The following AIMP2 variants were observed in gnomAD, a reference collection of about 807,000 sequenced individuals.
The protein encoded by AIMP2 is aminoacyl tRNA synthase complex-interacting multifunctional protein 2.
A neutral mutation model predicts 23.4 loss-of-function variants in AIMP2; 20 were observed. The observed-to-expected ratio is 0.85, with a 90% CI of 0.60 to 1.24. The LOEUF (loss-of-function observed/expected upper bound fraction) is 1.24, where lower values mean the gene tolerates loss of function less well. Ranked by LOEUF, AIMP2 falls within the 50% of genes most tolerant of loss-of-function variation. AIMP2 has a pLI of 0.00. For missense variants in AIMP2, 515 were observed against 414.5 expected (o/e 1.24, Z -2.10); for synonymous variants, 210 against 170.4 (o/e 1.23, Z -1.81).
At chr7:6,020,788 G>C (rs570694181) in intron 3 of AIMP2, among the ~76,000 whole-genome samples, 470 of 152,266 alleles carry the variant, frequency 3.1e-3, no homozygotes, top group African/African-American at 0.011. Context: ...GAACCACAAA[G>C]GACATCTATT....
At chr7:6,014,854 G>A (rs749857292) in intron 1 of AIMP2, 2 of 360,676 alleles carry the variant, frequency 5.5e-6, no homozygotes, top group Non-Finnish European at 1.0e-5. Flanking sequence ...CGAGTAGCTG[G>A]GATTACAGTT....
chr7:6,017,657 A>G (rs1686244649), intron 2 of AIMP2, among the ~76,000 whole-genome samples, 157 bp from the exon 3 acceptor site: 1 of 152,126 alleles, frequency 6.6e-6, no homozygotes, highest in Non-Finnish European at 1.5e-5. Flanking sequence ...GTGACCTTGG[A>G]TAAGTTACTG....
chr7:6,011,696 T>G (rs1203257890), intron 1 of AIMP2, among the ~76,000 whole-genome samples: 1 of 152,172 alleles, frequency 6.6e-6, no homozygotes, highest in Non-Finnish European at 1.5e-5. Flanking sequence ...GCAGACATAG[T>G]TCAATGGTCC....
Position 6,009,507 on chromosome 7 carries a change from G to T in AIMP2, c.135+9G>T. Reference sequence around the variant, plus strand: ...GCGCTGGCCACGTGCAGGTAGGAGCGCGGGGCCCCCCGCCCAGTGCGCACG... The same window carrying T: ...GCGCTGGCCACGTGCAGGTAGGAGCTCGGGGCCCCCCGCCCAGTGCGCACG... On this transcript the variant is annotated intron_variant, in intron 1 of 3. Transcript: ENST00000223029. 6.6e-7 allele frequency: 1 copy of T among 1,509,304 alleles called. No homozygotes were observed. The highest frequency in any genetic ancestry group is 1.3e-5 in the South Asian group (1 of 76,924). 93.5% of individuals were successfully genotyped at this position (1,509,304 alleles called of 1,614,324 possible). A position where few individuals can be genotyped will look rare whatever the true frequency, so the allele number is the denominator to read the frequency against.
chr7:6,014,250 C>CTTTTTTTTTTTT (rs57008315), intron 1 of AIMP2, among the ~76,000 whole-genome samples: 2 of 67,518 alleles, frequency 3.0e-5, no homozygotes, highest in East Asian at 4.9e-4. Flanking sequence ...TTTGTTGAAG[C>CTTTTTTTTTTTT]TTTTTTTTTT....
intron 1 of AIMP2, 77 bp from the exon 2 acceptor site, chr7:6,015,069 G>C (rs1583452405): frequency 6.2e-7 from 1 of 1,604,462 alleles, no homozygotes; most frequent in East Asian, 2.2e-5. Context: ...GCATGGCAAA[G>C]TAAGACAAGT....
intron 3 of AIMP2, 151 bp from the exon 4 acceptor site, chr7:6,023,152 G>T: frequency 1.1e-6 from 1 of 910,382 alleles, no homozygotes; most frequent in East Asian, 2.6e-5. Context: ...AAGCATCTTA[G>T]AGACAGACTG....
intron 1 of AIMP2, among the ~76,000 whole-genome samples, chr7:6,010,424 C>G (rs1786572700): frequency 1.4e-5 from 2 of 147,602 alleles, no homozygotes; most frequent in South Asian, 4.4e-4. Flanking sequence ...CTATTTATCC[C>G]TAAACAATAT....
chr7:6,019,087 C>G (rs558572140), intron 3 of AIMP2, among the ~76,000 whole-genome samples: 1 of 151,832 alleles, frequency 6.6e-6, no homozygotes, highest in East Asian at 1.9e-4. Context: ...AACAAACAGA[C>G]TGTACTGCTG....
chr7:6,020,983 C>T (rs558046835), intron 3 of AIMP2, among the ~76,000 whole-genome samples: 1 of 152,286 alleles, frequency 6.6e-6, no homozygotes, highest in South Asian at 2.1e-4. Context: ...AACGTCTGGA[C>T]AAGAACGCTT....
At chr7:6,022,665 C>G (rs547275485) in intron 3 of AIMP2, 1 of 152,118 alleles carries the variant, frequency 6.6e-6, no homozygotes, top group African/African-American at 2.4e-5. Flanking sequence ...TTTAGGGTCT[C>G]TGAGTGAGAC....
At chr7:6,019,414 G>C (rs1362277999) in intron 3 of AIMP2, among the ~76,000 whole-genome samples, 1 of 149,846 alleles carries the variant, frequency 6.7e-6, no homozygotes, top group Non-Finnish European at 1.5e-5. Context: ...GAACCCGGGA[G>C]GCAGAGGATG....
intron 3 of AIMP2, among the ~76,000 whole-genome samples, chr7:6,020,420 C>T (rs10231937): frequency 6.6e-6 from 1 of 150,818 alleles, no homozygotes; most frequent in African/African-American, 2.4e-5. Flanking sequence ...GACTCCGTCT[C>T]AAAAAAAAAG....
At chr7:6,011,260 G>A (rs1786670907) in intron 1 of AIMP2, among the ~76,000 whole-genome samples, 1 of 152,148 alleles carries the variant, frequency 6.6e-6, no homozygotes, top group South Asian at 2.1e-4. Context: ...AGTTATACTG[G>A]TTTATGCGCT....
chr7:6,017,702 A>C, intron 2 of AIMP2, 112 bp from the exon 3 acceptor site: 1 of 885,702 alleles, frequency 1.1e-6, no homozygotes, highest in Admixed American at 2.6e-5. Flanking sequence ...TGCCGTCTTC[A>C]TGGAAGTGGC....
In AIMP2 at chr7:6,009,991, A is replaced by ATATATATATATATG. The variant is rs1562717690; in HGVS notation, c.135+494_135+495insATATATATATATGT. ...AAAAAAAAAATATATATATATATAT[A>ATATATATATATATG]TGTATGTATCTTTCCAGGTCGGGCG... is the stretch of plus-strand genomic sequence containing the variant. On this transcript the variant is annotated intron_variant, in intron 1 of 3. Transcript: ENST00000223029. Among the ~76,000 whole-genome samples, 8 of 113,528 alleles carry ATATATATATATATG rather than the reference A, an allele frequency of 7.0e-5. 2 individuals carry two copies. The highest frequency in any genetic ancestry group is 4.6e-4 in the Admixed American group (5 of 10,826). The allele number at this position is 113,528 out of a possible 152,430, so 74.5% of individuals were successfully genotyped here. A position where few individuals can be genotyped will look rare whatever the true frequency, so the allele number is the denominator to read the frequency against.
At chr7:6,018,069 A>C in intron 3 of AIMP2, 24 bp downstream of exon 3, 1 of 1,579,552 alleles carries the variant, frequency 6.3e-7, no homozygotes, top group Non-Finnish European at 8.7e-7. Context: ...ACTGAGTTCA[A>C]CTTACACACA....
intron 3 of AIMP2, among the ~76,000 whole-genome samples, chr7:6,018,324 AT>A (rs930942406): frequency 1.9e-4 from 28 of 148,710 alleles, no homozygotes; most frequent in African/African-American, 6.4e-4. Context: ...TTTTTTTTAT[AT>A]TTTTAGTAGA....
Position 6,017,744 on chromosome 7 carries a change from T to C in AIMP2, c.343-70T>C, listed in dbSNP as rs1348827026. The C allele has an allele frequency of 3.5e-6, 5 of 1,410,402 alleles. No individual in the cohort carries two copies. In the East Asian group the frequency reaches 7.5e-5, roughly 21 times the overall value. 87.4% of individuals were successfully genotyped at this position (1,410,402 alleles called of 1,614,324 possible). Reference sequence around the variant, plus strand: ...GGTTAGATAACCCTGGTTAGGTTCTTAGACTCGCGCCCGGCACAGTGGCAC... The same window carrying C: ...GGTTAGATAACCCTGGTTAGGTTCTCAGACTCGCGCCCGGCACAGTGGCAC... On this transcript the variant is annotated intron_variant, in intron 2 of 3. Transcript: ENST00000223029.
Sources: allele counts gnomAD v4.1 joint callset (sites outside exome capture counted in the v4.1 genomes callset), GRCh38; gene constraint gnomAD v4.1.1; transcripts MANE v1.5; gene names NCBI Gene and HGNC (gene_info 2026-07-23, HGNC 2026-07-21).